Variants in PRIM2 observed in about 807,000 individuals in gnomAD.
PRIM2 encodes the protein DNA primase large subunit.
PRIM2 carries 39 observed loss-of-function variants against 67.3 expected under a neutral mutation model. The ratio of observed to expected loss-of-function variants is 0.58; its 90% CI spans 0.45 to 0.76. PRIM2 has a LOEUF of 0.76. Among genes scored for constraint, PRIM2 ranks in the 30% least tolerant of loss-of-function variants. The pLI is 0.00. For synonymous variants in PRIM2, 143 were observed against 198.7 expected (o/e 0.72, Z 2.36); for missense variants, 398 against 598.7 (o/e 0.66, Z 3.50).
chr6:57,593,832 C>A (rs1776322459), intron 10 of PRIM2, among the ~76,000 whole-genome samples: 1 of 152,120 alleles, frequency 6.6e-6, no homozygotes. Context: ...TTCCAGTAGG[C>A]TTGGAAGAGT....
chr6:57,580,131 T>C (rs1776054550), intron 10 of PRIM2, among the ~76,000 whole-genome samples: 1 of 152,166 alleles, frequency 6.6e-6, no homozygotes, highest in Non-Finnish European at 1.5e-5. Context: ...CTCATGCCTG[T>C]AATCTCAATG....
chr6:57,222,842 T>C, the PRIM2 span, among the ~76,000 whole-genome samples: 1 of 152,256 alleles, frequency 6.6e-6, no homozygotes, highest in Non-Finnish European at 1.5e-5. Flanking sequence ...TGCATTCTTC[T>C]ACTTTGCTGC....
chr6:57,602,582 T>TATG (rs1389644991), intron 11 of PRIM2, among the ~76,000 whole-genome samples: 36 of 152,306 alleles, frequency 2.4e-4, no homozygotes, highest in African/African-American at 7.7e-4. Flanking sequence ...GCAGTCAACT[T>TATG]ATGATTAAGC....
intron 7 of PRIM2, among the ~76,000 whole-genome samples, chr6:57,482,201 G>A (rs1773646141): frequency 6.6e-6 from 1 of 151,410 alleles, no homozygotes; most frequent in African/African-American, 2.4e-5. Flanking sequence ...GATGAGTTTG[G>A]TTTGCAGTAT....
At chr6:57,624,380 T>G (rs1278658295) in intron 12 of PRIM2, among the ~76,000 whole-genome samples, 6 of 152,214 alleles carry the variant, frequency 3.9e-5, no homozygotes, top group Non-Finnish European at 7.3e-5. Flanking sequence ...AAATCAGTAT[T>G]TTGGGTAGCA....
At chr6:57,222,256 G>C in the PRIM2 span, 1 of 152,590 alleles carries the variant, frequency 6.6e-6, no homozygotes, top group Non-Finnish European at 1.5e-5. Flanking sequence ...GGGTGGTGGG[G>C]CGCGGGAGTC....
chr6:57,488,447 C>T (rs1198049339), intron 7 of PRIM2, among the ~76,000 whole-genome samples: 1 of 152,222 alleles, frequency 6.6e-6, no homozygotes, highest in Non-Finnish European at 1.5e-5. Context: ...GGTTTCAAAG[C>T]TGGGCCTTTT....
At chr6:57,638,113 A>G (rs1777156871) in intron 13 of PRIM2, among the ~76,000 whole-genome samples, 1 of 152,234 alleles carries the variant, frequency 6.6e-6, no homozygotes, top group African/African-American at 2.4e-5. Context: ...CTTAAAGAAA[A>G]GAATTTTCAA....
chr6:57,359,443 A>G (rs999350510), intron 5 of PRIM2, among the ~76,000 whole-genome samples: 2 of 152,240 alleles, frequency 1.3e-5, no homozygotes, highest in Admixed American at 6.5e-5. Flanking sequence ...TCACCAGCTC[A>G]GTACCTCTGG....
At chr6:57,481,352 G>C (rs1197251813) in intron 7 of PRIM2, among the ~76,000 whole-genome samples, 1 of 152,216 alleles carries the variant, frequency 6.6e-6, no homozygotes, top group East Asian at 1.9e-4. Context: ...GACTCATACA[G>C]TATGTACATT....
At chr6:57,453,954 A>G (rs1772656784) in intron 7 of PRIM2, among the ~76,000 whole-genome samples, 1 of 152,190 alleles carries the variant, frequency 6.6e-6, no homozygotes, top group Non-Finnish European at 1.5e-5. Context: ...ATTTTGAGAT[A>G]CATCCCATCA....
chr6:57,256,975 A>G, the PRIM2 span, among the ~76,000 whole-genome samples: 1 of 152,176 alleles, frequency 6.6e-6, no homozygotes. Flanking sequence ...GGGGAAAAAA[A>G]CCCTAATCTT....
In PRIM2 at chr6:57,646,398, G is replaced by C. The variant is rs1416041043; in HGVS notation, c.*240G>C. ...TTTTTCAATTTTTTTTTGTAGAGGT[G>C]GGGGGTCTCCCTATGTTGCCCAGGC... On this transcript the variant is annotated 3_prime_UTR_variant, in exon 14 of 14. Transcript: ENST00000615550. The C allele has an allele frequency of 1.2e-4, 54 of 442,722 alleles. No homozygotes were observed. Among genetic ancestry groups the C allele is most frequent in the Admixed American group, 5.0e-4 (13 of 25,876 alleles). 27.4% of individuals were successfully genotyped at this position (442,722 alleles called of 1,614,324 possible).
intron 10 of PRIM2, among the ~76,000 whole-genome samples, chr6:57,549,493 T>C (rs1397596671): frequency 3.3e-5 from 5 of 151,892 alleles, no homozygotes; most frequent in African/African-American, 7.3e-5. Flanking sequence ...CAATTAACAA[T>C]AGAGATTTTT....
the PRIM2 span, among the ~76,000 whole-genome samples, chr6:57,287,163 G>A: frequency 6.6e-6 from 1 of 152,180 alleles, no homozygotes; most frequent in African/African-American, 2.4e-5. Flanking sequence ...GTTGGTAGGA[G>A]TGTAAATTAG....
chr6:57,297,458 A>T, the PRIM2 span, among the ~76,000 whole-genome samples: 1 of 152,170 alleles, frequency 6.6e-6, no homozygotes, highest in Non-Finnish European at 1.5e-5. Flanking sequence ...AAAAAAAGGA[A>T]ATAGAAAAAT....
intron 7 of PRIM2, among the ~76,000 whole-genome samples, chr6:57,473,351 C>T (rs1415334776): frequency 1.3e-5 from 2 of 152,208 alleles, no homozygotes; most frequent in African/African-American, 4.8e-5. Context: ...GTCCTTATAG[C>T]ACCATGCCAG....
chr6:57,558,413 G>T (rs1438892005), intron 10 of PRIM2, among the ~76,000 whole-genome samples: 1 of 152,116 alleles, frequency 6.6e-6, no homozygotes, highest in East Asian at 1.9e-4. Flanking sequence ...TGGACATACA[G>T]AATTGGGATG....
chr6:57,354,990 A>C (rs1335869435), intron 5 of PRIM2, among the ~76,000 whole-genome samples: 1 of 152,234 alleles, frequency 6.6e-6, no homozygotes, highest in Non-Finnish European at 1.5e-5. Context: ...ATGTGCATTC[A>C]CACCATGCAT....
Sources: allele counts gnomAD v4.1 joint callset (sites outside exome capture counted in the v4.1 genomes callset), GRCh38; gene constraint gnomAD v4.1.1; transcripts MANE v1.5; gene names NCBI Gene and HGNC (gene_info 2026-07-23, HGNC 2026-07-21).